The following RELN variants were observed in gnomAD, a reference collection of about 807,000 sequenced individuals.
RELN encodes reelin.
RELN carries 108 observed loss-of-function variants against 427.6 expected under a neutral mutation model. That is an observed-to-expected ratio of 0.25 (90% CI 0.22 to 0.30). The LOEUF is 0.30. Among genes scored for constraint, RELN ranks in the 10% least tolerant of loss-of-function variants. The pLI is 1.00. For missense variants in RELN, 3,715 were observed against 4,302.8 expected (o/e 0.86, Z 3.82); for synonymous variants, 1,524 against 1,513.4 (o/e 1.01, Z -0.16).
chr7:103,622,494 A>T (rs561358535), intron 20 of RELN, among the ~76,000 whole-genome samples: 1 of 152,232 alleles, frequency 6.6e-6, no homozygotes, highest in Non-Finnish European at 1.5e-5. Flanking sequence ...GGAAGATTAC[A>T]TCACTCCCCT....
intron 28 of RELN, among the ~76,000 whole-genome samples, chr7:103,576,974 G>A (rs1212256466): frequency 6.6e-6 from 1 of 151,938 alleles, no homozygotes; most frequent in Non-Finnish European, 1.5e-5. Flanking sequence ...ACACACATAT[G>A]TACACACACT....
intron 6 of RELN, among the ~76,000 whole-genome samples, chr7:103,735,791 T>TATCTCTCCATAA (rs1395564931): frequency 6.6e-6 from 1 of 152,154 alleles, no homozygotes; most frequent in Non-Finnish European, 1.5e-5. Flanking sequence ...GACATCATAT[T>TATCTCTCCATAA]ATCTCTCCAT....
intron 10 of RELN, among the ~76,000 whole-genome samples, chr7:103,689,291 C>T (rs1833825663): frequency 2.3e-5 from 3 of 128,758 alleles, no homozygotes; most frequent in South Asian, 2.8e-4. Flanking sequence ...GCACAGCAAT[C>T]AGAGTGGGAA....
chr7:103,890,114 G>A (rs1214271607), intron 2 of RELN, among the ~76,000 whole-genome samples: 4 of 151,796 alleles, frequency 2.6e-5, no homozygotes, highest in African/African-American at 7.3e-5. Context: ...CTATGTCTCT[G>A]GTTTTCTTCT....
chr7:103,844,386 A>C (rs1455631705), intron 2 of RELN, among the ~76,000 whole-genome samples: 1 of 152,174 alleles, frequency 6.6e-6, no homozygotes, highest in African/African-American at 2.4e-5. Context: ...TGCCTACCCT[A>C]ATGCTCAAAA....
intron 38 of RELN, among the ~76,000 whole-genome samples, chr7:103,554,569 CAAA>C (rs56319660): frequency 9.7e-6 from 1 of 103,310 alleles, no homozygotes; most frequent in Non-Finnish European, 1.8e-5. Context: ...GATGCTGTCT[CAAA>C]AAAAAAAAAA....
At chr7:103,875,472 TTCCAAAC>T (rs1162061224) in intron 2 of RELN, among the ~76,000 whole-genome samples, 2 of 152,102 alleles carry the variant, frequency 1.3e-5, no homozygotes, top group Non-Finnish European at 2.9e-5. Context: ...AAATTCCAAA[TTCCAAAC>T]ATCTTAACAG....
At chr7:103,547,097 AT>A (rs1183174904) in intron 41 of RELN, among the ~76,000 whole-genome samples, 1 of 152,214 alleles carries the variant, frequency 6.6e-6, no homozygotes, top group African/African-American at 2.4e-5. Context: ...CAGAGATGAC[AT>A]GTGCACTTAT....
rs1184435708 is a variant in RELN at position 103,911,950 on chromosome 7, C to G, written c.337+5125G>C. 2.0e-5 allele frequency among the ~76,000 whole-genome samples: 3 copies of G among 150,556 alleles called. No homozygotes were observed. The East Asian group carries it at 5.9e-4, about 29-fold the overall frequency. On this transcript the variant is annotated intron_variant, in intron 2 of 64. Coordinates refer to ENST00000428762, the MANE Select transcript of RELN (RefSeq NM_005045.4). ...AGCGCACCAGCATGGCACATGTATA[C>G]ATATGTAACTAACCTGCACAATGTG...
At chr7:103,686,239 G>A (rs1833762381) in intron 10 of RELN, among the ~76,000 whole-genome samples, 1 of 152,154 alleles carries the variant, frequency 6.6e-6, no homozygotes, top group Non-Finnish European at 1.5e-5. Flanking sequence ...CACATGAGCA[G>A]AGAGCCATCC....
intron 63 of RELN, among the ~76,000 whole-genome samples, chr7:103,480,457 A>G (rs1378512198): frequency 6.6e-6 from 1 of 152,234 alleles, no homozygotes; most frequent in Non-Finnish European, 1.5e-5. Context: ...TGAATGCCTT[A>G]AAACTCTTTG....
At chr7:103,690,603 CT>C (rs1833853732) in intron 10 of RELN, among the ~76,000 whole-genome samples, 2 of 152,066 alleles carry the variant, frequency 1.3e-5, no homozygotes, top group African/African-American at 4.8e-5. Context: ...ATACAATATT[CT>C]GTGAAAGAGA....
intron 3 of RELN, among the ~76,000 whole-genome samples, chr7:103,802,455 T>C (rs1370743671): frequency 1.3e-5 from 2 of 152,304 alleles, no homozygotes; most frequent in South Asian, 2.1e-4. Flanking sequence ...AATGCCCTAA[T>C]TGGCCTTTTT....
chr7:103,859,946 C>T (rs1021873086), intron 2 of RELN, among the ~76,000 whole-genome samples: 1 of 152,112 alleles, frequency 6.6e-6, no homozygotes, highest in Non-Finnish European at 1.5e-5. Context: ...ACAATGACAA[C>T]AATTAACATT....
At chr7:103,485,913 C>A (rs1053448279) in intron 61 of RELN, among the ~76,000 whole-genome samples, 2 of 152,186 alleles carry the variant, frequency 1.3e-5, no homozygotes, top group South Asian at 4.1e-4. Context: ...TATCCCTAAC[C>A]ATTTTTTAAA....
chr7:103,717,914 G>A (rs935727996), intron 8 of RELN, among the ~76,000 whole-genome samples: 1 of 152,158 alleles, frequency 6.6e-6, no homozygotes, highest in African/African-American at 2.4e-5. Flanking sequence ...AGAGTTGAGA[G>A]AGAATTTCTC....
chr7:103,809,070 T>C (rs1792671153), intron 3 of RELN, among the ~76,000 whole-genome samples: 1 of 152,164 alleles, frequency 6.6e-6, no homozygotes, highest in Non-Finnish European at 1.5e-5. Context: ...CTAGAAAGCG[T>C]TAAGAATGGG....
At chr7:103,583,363 T>A (rs1831198165) in intron 28 of RELN, among the ~76,000 whole-genome samples, 1 of 152,212 alleles carries the variant, frequency 6.6e-6, no homozygotes, top group African/African-American at 2.4e-5. Flanking sequence ...TATATAGATA[T>A]CCTATTGATG....
intron 13 of RELN, 46 bp downstream of exon 13, chr7:103,654,047 G>C: frequency 1.9e-6 from 2 of 1,057,838 alleles, no homozygotes; most frequent in African/African-American, 1.6e-5. Context: ...GGCTTGTCCA[G>C]GGTGGTCTGA....
Sources: allele counts gnomAD v4.1 joint callset (sites outside exome capture counted in the v4.1 genomes callset), GRCh38; gene constraint gnomAD v4.1.1; transcripts MANE v1.5; gene names NCBI Gene and HGNC (gene_info 2026-07-23, HGNC 2026-07-21).